Variants in SCHIP1 observed in about 807,000 individuals in gnomAD.
The protein encoded by SCHIP1 is schwannomin interacting protein 1.
In SCHIP1, 8 loss-of-function variants were observed where a neutral mutation model predicts 29.7. The ratio of observed to expected loss-of-function variants is 0.27; its 90% CI spans 0.16 to 0.49. SCHIP1 has a LOEUF of 0.49. Ranked by LOEUF, SCHIP1 falls within the 20% of genes least tolerant of loss-of-function variation. The probability of loss-of-function intolerance (pLI) is 0.99; values close to 1 mark genes in which losing one functional copy is unlikely to be tolerated. For synonymous variants in SCHIP1, 76 were observed against 94.9 expected (o/e 0.80, Z 1.16); for missense variants, 193 against 294.6 (o/e 0.66, Z 2.52).
chr3:159,774,041 G>C, the SCHIP1 span, among the ~76,000 whole-genome samples: 1 of 152,226 alleles, frequency 6.6e-6, no homozygotes, highest in Non-Finnish European at 1.5e-5. Flanking sequence ...AAGGCTTGCT[G>C]ATTTGTAGTG....
chr3:159,344,987 G>A, the SCHIP1 span, among the ~76,000 whole-genome samples: 4 of 152,122 alleles, frequency 2.6e-5, no homozygotes, highest in South Asian at 2.1e-4. Context: ...GGTGGCACAC[G>A]CCTGTAATCC....
At chr3:159,440,502 A>G in the SCHIP1 span, among the ~76,000 whole-genome samples, 3 of 152,208 alleles carry the variant, frequency 2.0e-5, no homozygotes, top group African/African-American at 7.2e-5. Context: ...AAAGAAGGAC[A>G]AGAAATGAAG....
intron 1 of SCHIP1, chr3:159,853,205 GC>G: frequency 2.2e-6 from 1 of 452,664 alleles, no homozygotes; most frequent in South Asian, 4.7e-5. Context: ...GGGAGGCTGG[GC>G]GGGGCAGTGT....
the SCHIP1 span, among the ~76,000 whole-genome samples, chr3:159,415,591 T>C: frequency 6.6e-6 from 1 of 152,164 alleles, no homozygotes; most frequent in African/African-American, 2.4e-5. Context: ...GATAATAGTA[T>C]CCAGCTCCAT....
chr3:159,750,320 C>T, the SCHIP1 span, among the ~76,000 whole-genome samples: 20 of 144,500 alleles, frequency 1.4e-4, 1 homozygote, highest in African/African-American at 5.1e-4. Flanking sequence ...CACACACACA[C>T]GTATACATAT....
At chr3:159,853,771 A>G (rs892290051) in intron 1 of SCHIP1, among the ~76,000 whole-genome samples, 4 of 152,226 alleles carry the variant, frequency 2.6e-5, no homozygotes, top group African/African-American at 9.7e-5. Context: ...AATTATTGAC[A>G]TATATTTACA....
At chr3:159,716,546 A>G in the SCHIP1 span, among the ~76,000 whole-genome samples, 1 of 152,216 alleles carries the variant, frequency 6.6e-6, no homozygotes, top group African/African-American at 2.4e-5. Flanking sequence ...AAATAAAGGG[A>G]TGAAGGAAGA....
At chr3:159,767,259 A>G in the SCHIP1 span, among the ~76,000 whole-genome samples, 1 of 152,228 alleles carries the variant, frequency 6.6e-6, no homozygotes, top group African/African-American at 2.4e-5. Context: ...GAAATAAAAT[A>G]GAATGTATGA....
At chr3:159,628,402 C>T in the SCHIP1 span, among the ~76,000 whole-genome samples, 3 of 152,138 alleles carry the variant, frequency 2.0e-5, no homozygotes, top group Non-Finnish European at 2.9e-5. Context: ...CTAAAGTTAC[C>T]ATGCATGCCA....
chr3:159,686,776 T>C, the SCHIP1 span, among the ~76,000 whole-genome samples: 3 of 152,224 alleles, frequency 2.0e-5, no homozygotes, highest in African/African-American at 7.2e-5. Flanking sequence ...GTATTCATGA[T>C]TAAAGGTAAC....
At chr3:159,437,522 C>G in the SCHIP1 span, among the ~76,000 whole-genome samples, 2 of 152,078 alleles carry the variant, frequency 1.3e-5, no homozygotes, top group African/African-American at 4.8e-5. Flanking sequence ...TGACTTCAAC[C>G]TCCTTACCAC....
the SCHIP1 span, among the ~76,000 whole-genome samples, chr3:159,366,755 T>A: frequency 6.6e-6 from 1 of 152,184 alleles, no homozygotes; most frequent in Non-Finnish European, 1.5e-5. Context: ...TCTCCCACTA[T>A]GCCTGTTAAC....
the SCHIP1 span, among the ~76,000 whole-genome samples, chr3:159,686,480 C>G: frequency 6.6e-6 from 1 of 152,056 alleles, no homozygotes; most frequent in Non-Finnish European, 1.5e-5. Context: ...AAACAAGGCA[C>G]CATGAGCAAG....
chr3:159,358,950 A>G, the SCHIP1 span, among the ~76,000 whole-genome samples: 3 of 106,666 alleles, frequency 2.8e-5, no homozygotes, highest in Admixed American at 1.3e-4. Flanking sequence ...TTTTTTTGAG[A>G]CAGAGTCTTG....
At chr3:159,866,231 A>G in exon 2 of SCHIP1, 2 of 1,613,780 alleles carry the variant, frequency 1.2e-6, no homozygotes, top group Non-Finnish European at 1.7e-6. Context: ...ATGATGGCCC[A>G]GGAATTTATA....
chr3:159,354,461 TGTGTCTGAA>T, the SCHIP1 span, among the ~76,000 whole-genome samples: 3 of 152,144 alleles, frequency 2.0e-5, no homozygotes, highest in East Asian at 5.8e-4. Context: ...TTTAGAAAAA[TGTGTCTGAA>T]GTTTCTCAAT....
the SCHIP1 span, among the ~76,000 whole-genome samples, chr3:159,356,811 T>C: frequency 6.6e-6 from 1 of 152,302 alleles, no homozygotes; most frequent in South Asian, 2.1e-4. Context: ...GGCAGACAGA[T>C]AGAACAGAGC....
chr3:159,813,885 T>C, the SCHIP1 span, among the ~76,000 whole-genome samples: 1 of 152,160 alleles, frequency 6.6e-6, no homozygotes, highest in Non-Finnish European at 1.5e-5. Context: ...GTTAATATAA[T>C]GGAGGCCACA....
At chr3:159,683,365 T>G in the SCHIP1 span, among the ~76,000 whole-genome samples, 1 of 152,244 alleles carries the variant, frequency 6.6e-6, no homozygotes, top group South Asian at 2.1e-4. Flanking sequence ...AATCTGCATT[T>G]TAAATGTGCT....
Sources: allele counts gnomAD v4.1 joint callset (sites outside exome capture counted in the v4.1 genomes callset), GRCh38; gene constraint gnomAD v4.1.1; transcripts MANE v1.5; gene names NCBI Gene and HGNC (gene_info 2026-07-23, HGNC 2026-07-21).